TRPM1: variants seen among roughly 807,000 people sequenced by gnomAD.
The protein encoded by TRPM1 is transient receptor potential cation channel subfamily M member 1.
Under a neutral mutation model 149.4 loss-of-function variants are expected in TRPM1, and 113 were observed. The observed-to-expected ratio is 0.76, with a 90% CI of 0.65 to 0.88. The LOEUF is 0.88. Among genes scored for constraint, TRPM1 ranks in the 40% least tolerant of loss-of-function variants. TRPM1 has a pLI of 0.00. For synonymous variants in TRPM1, 741 were observed against 759.5 expected, an observed-to-expected ratio of 0.98 and a Z score of 0.40; for missense variants, 1,976 against 2,038.7, an observed-to-expected ratio of 0.97 and a Z score of 0.59.
At chr15:31,124,520 G>T (rs559635805) in intron 1 of TRPM1, among the ~76,000 whole-genome samples, 1 of 151,802 alleles carries the variant, frequency 6.6e-6, no homozygotes, top group South Asian at 2.1e-4. Flanking sequence ...CAGGCGTGGT[G>T]GTGCACACCT....
At chr15:31,055,395 A>G (rs527460128) in intron 11 of TRPM1, among the ~76,000 whole-genome samples, 1 of 152,294 alleles carries the variant, frequency 6.6e-6, no homozygotes, top group East Asian at 1.9e-4. Context: ...GGACCAGTTA[A>G]AACTATGGAG....
At chr15:31,035,521 T>C (rs573463881) in intron 21 of TRPM1, 25 bp downstream of exon 21, 2 of 1,613,964 alleles carry the variant, frequency 1.2e-6, no homozygotes, top group African/African-American at 1.3e-5. Flanking sequence ...GTTAGTGGGC[T>C]GGGGGAGGCC....
At chr15:31,149,781 A>G (rs2036274274) in intron 1 of TRPM1, among the ~76,000 whole-genome samples, 1 of 152,130 alleles carries the variant, frequency 6.6e-6, no homozygotes, top group South Asian at 2.1e-4. Context: ...GGCCTCCCAA[A>G]GTGCTGGGAT....
At chr15:31,115,276 T>C (rs564841947) in intron 1 of TRPM1, among the ~76,000 whole-genome samples, 2 of 151,622 alleles carry the variant, frequency 1.3e-5, no homozygotes, top group South Asian at 4.2e-4. Flanking sequence ...TAATAATAGA[T>C]AAGTAAAAAG....
At chr15:31,088,010 A>G (rs777556518) in intron 1 of TRPM1, among the ~76,000 whole-genome samples, 2 of 152,222 alleles carry the variant, frequency 1.3e-5, no homozygotes, top group African/African-American at 2.4e-5. Context: ...CAATTAAAAC[A>G]ACTTTTTAAG....
chr15:31,074,704 T>C (rs2034646975), intron 3 of TRPM1, among the ~76,000 whole-genome samples: 1 of 152,148 alleles, frequency 6.6e-6, no homozygotes, highest in Admixed American at 6.6e-5. Flanking sequence ...AATCATTATC[T>C]CCTTCCCTCT....
chr15:31,100,364 C>T (rs947035502), intron 1 of TRPM1, among the ~76,000 whole-genome samples: 1 of 151,984 alleles, frequency 6.6e-6, no homozygotes, highest in African/African-American at 2.4e-5. Flanking sequence ...CATGAGCCAT[C>T]GCGCCTGGCC....
chr15:31,120,106 T>C (rs1003673530), intron 1 of TRPM1, among the ~76,000 whole-genome samples: 1 of 152,148 alleles, frequency 6.6e-6, no homozygotes, highest in Admixed American at 6.5e-5. Flanking sequence ...GTTCACTTTA[T>C]TTTACATTTT....
chr15:31,089,231 C>T (rs1175558959), intron 1 of TRPM1, among the ~76,000 whole-genome samples: 1 of 152,136 alleles, frequency 6.6e-6, no homozygotes, highest in East Asian at 1.9e-4. Flanking sequence ...ACCATGTGGC[C>T]AGCGTGTCCC....
chr15:31,078,672 T>C (rs527398012), intron 2 of TRPM1, among the ~76,000 whole-genome samples: 4 of 152,324 alleles, frequency 2.6e-5, no homozygotes, highest in African/African-American at 9.6e-5. Flanking sequence ...CCTGCCCTTC[T>C]GTTTTGCACT....
At chr15:31,147,991 T>TACAAA in intron 1 of TRPM1, among the ~76,000 whole-genome samples, 2 of 151,952 alleles carry the variant, frequency 1.3e-5, no homozygotes, top group Middle Eastern at 6.8e-3. Context: ...CCAATTAAAA[T>TACAAA]ACAAAACAAA....
At chr15:31,114,281 G>C (rs1471965368) in intron 1 of TRPM1, among the ~76,000 whole-genome samples, 2 of 152,192 alleles carry the variant, frequency 1.3e-5, no homozygotes, top group Non-Finnish European at 2.9e-5. Flanking sequence ...TTGGTTTTCT[G>C]TTCCTGTGTT....
At chr15:31,067,209 A>G in intron 5 of TRPM1, 22 bp from the exon 6 acceptor site, 1 of 1,614,026 alleles carries the variant, frequency 6.2e-7, no homozygotes, top group Non-Finnish European at 8.5e-7. Flanking sequence ...CATTGGTCAT[A>G]TTTTAGGCTC....
In TRPM1 at chr15:31,061,498, A is replaced by G; in HGVS notation, c.1106T>C (p.Met369Thr). Residue 369 changes from methionine to threonine, a missense_variant, in exon 10 of 28, where the codon ATG becomes ACG. Transcript: ENST00000256552. ...KKKELVTVFRMGSEGQQDIEM... is the reference protein window; with the variant it reads ...KKKELVTVFRTGSEGQQDIEM... ...GATGTCCTGCTGGCCCTCAGAACCCATTCTGAACACAGTGACCTGAAAATG... is the reference window on the plus strand; with the variant it reads ...GATGTCCTGCTGGCCCTCAGAACCCGTTCTGAACACAGTGACCTGAAAATG... The G allele has an allele frequency of 6.2e-7, 1 of 1,614,132 alleles. No individual in the cohort carries two copies. Among genetic ancestry groups the G allele is most frequent in the South Asian group, 1.1e-5 (1 of 91,072 alleles).
intron 27 of TRPM1, among the ~76,000 whole-genome samples, chr15:31,017,335 A>G (rs755327958): frequency 1.3e-5 from 2 of 152,152 alleles, no homozygotes; most frequent in African/African-American, 2.4e-5. Flanking sequence ...ATAGAGTAAA[A>G]GATTGTACCA....
At chr15:31,120,848 GA>G (rs2035865044) in intron 1 of TRPM1, among the ~76,000 whole-genome samples, 1 of 152,084 alleles carries the variant, frequency 6.6e-6, no homozygotes, top group Non-Finnish European at 1.5e-5. Flanking sequence ...AAATGAAAAT[GA>G]AAACACAATT....
rs369237963 is a variant in TRPM1, at chr15:31,048,014, G to A, written c.1573-75C>T. ...GCGGTGGCTCACGCCTGTAGTCCCA[G>A]CACTTTGGGAGGCCAAGGCAGGCAG... is the stretch of plus-strand genomic sequence containing the variant. On this transcript the variant is annotated intron_variant, in intron 13 of 27. Coordinates refer to ENST00000256552, the MANE Select transcript of TRPM1 (RefSeq NM_001252024.2). The A allele has an allele frequency of 2.2e-5, 29 of 1,327,156 alleles. No individual in the cohort carries two copies. The African/African-American group carries it at 4.2e-4, about 19-fold the overall frequency. 82.2% of individuals were successfully genotyped at this position (1,327,156 alleles called of 1,614,324 possible).
intron 1 of TRPM1, among the ~76,000 whole-genome samples, chr15:31,134,527 A>G (rs1363781212): frequency 6.6e-6 from 1 of 152,178 alleles, no homozygotes; most frequent in African/African-American, 2.4e-5. Context: ...ATCACCAGAG[A>G]CTCAGTCAAG....
chr15:31,002,046 C>G lies in TRPM1; in HGVS notation c.4654G>C (p.Gly1552Arg). 1 of 1,614,216 alleles carries G rather than the reference C, an allele frequency of 6.2e-7. No individual in the cohort carries two copies. Reference protein sequence around the residue: ...RLSLTITDRNGMENLLSVKPD... With the variant: ...RLSLTITDRNRMENLLSVKPD... ...TTCACAGACAGTAAGTTTTCCATCCCATTTCTGTCAGTAATGGTTAGGGAC... is the reference window on the plus strand; with the variant it reads ...TTCACAGACAGTAAGTTTTCCATCCGATTTCTGTCAGTAATGGTTAGGGAC... Residue 1552 changes from glycine to arginine, a missense_variant, in exon 28 of 28, where the codon GGG (glycine) becomes CGG (arginine). Gly to Arg is a moderately radical substitution (Grantham distance 125). Around this residue, in one of 3 missense-constraint regions of TRPM1, gnomAD observed 572 missense variants for 578.9 expected, o/e 0.99. Coordinates refer to ENST00000256552, the MANE Select transcript of TRPM1 (RefSeq NM_001252024.2).
Sources: gnomAD v4.1 joint callset for allele counts (sites outside exome capture counted in the v4.1 genomes callset) on GRCh38, gnomAD v4.1.1 for gene constraint, gnomAD v4.1.1 regional missense constraint, MANE v1.5 for transcripts, NCBI Gene and HGNC (gene_info 2026-07-23, HGNC 2026-07-21) for gene names.